The following PRDM4 variants were observed in gnomAD, a reference collection of about 807,000 sequenced individuals.
PRDM4 encodes the protein PR domain zinc finger protein 4.
PRDM4 carries 38 observed loss-of-function variants against 62.3 expected under a neutral mutation model. The observed-to-expected ratio is 0.61, with a 90% CI of 0.47 to 0.80. The LOEUF (loss-of-function observed/expected upper bound fraction) is 0.80, where lower values mean the gene tolerates loss of function less well. Ranked by LOEUF, PRDM4 falls within the 30% of genes least tolerant of loss-of-function variation. PRDM4 has a pLI of 0.00. For synonymous variants in PRDM4, 339 were observed against 348.2 expected (o/e 0.97, Z 0.30); for missense variants, 858 against 997.1 (o/e 0.86, Z 1.88).
intron 11 of PRDM4, among the ~76,000 whole-genome samples, 191 bp from the exon 12 acceptor site, chr12:107,734,713 T>C (rs1487917809): frequency 6.6e-6 from 1 of 152,214 alleles, no homozygotes; most frequent in Non-Finnish European, 1.5e-5. Context: ...TTTTTCCTGT[T>C]TTAGAATACT....
intron 4 of PRDM4, 51 bp from the exon 5 acceptor site, chr12:107,752,260 G>C (rs1890919999): frequency 7.3e-7 from 1 of 1,366,028 alleles, no homozygotes; most frequent in African/African-American, 1.4e-5. Context: ...CATTATTAAA[G>C]AATTCCAAGC....
chr12:107,747,307 T>C (rs1241987645), intron 5 of PRDM4, among the ~76,000 whole-genome samples: 3 of 151,372 alleles, frequency 2.0e-5, no homozygotes, highest in Non-Finnish European at 4.4e-5. Flanking sequence ...AGCCAAAATA[T>C]GGCCACGGTG....
At chr12:107,739,918 T>C (rs1176845541) in intron 10 of PRDM4, among the ~76,000 whole-genome samples, 2 of 149,710 alleles carry the variant, frequency 1.3e-5, no homozygotes, top group Non-Finnish European at 3.0e-5. Flanking sequence ...TAGGGAAACA[T>C]ACTTTTACAA....
intron 5 of PRDM4, among the ~76,000 whole-genome samples, chr12:107,749,288 C>A (rs1890818363): frequency 6.6e-6 from 1 of 152,058 alleles, no homozygotes; most frequent in South Asian, 2.1e-4. Flanking sequence ...ACACTGAAAT[C>A]AACATGTCTA....
At chr12:107,747,369 C>T (rs1016500889) in intron 5 of PRDM4, among the ~76,000 whole-genome samples, 4 of 151,600 alleles carry the variant, frequency 2.6e-5, no homozygotes, top group Admixed American at 6.6e-5. Context: ...AGGACACTGG[C>T]GTCAGAGCCA....
intron 5 of PRDM4, among the ~76,000 whole-genome samples, chr12:107,748,375 T>C (rs1890784048): frequency 6.6e-6 from 1 of 152,118 alleles, no homozygotes; most frequent in East Asian, 1.9e-4. Flanking sequence ...CAAAAACTTG[T>C]ACATGAGAGT....
intron 11 of PRDM4, among the ~76,000 whole-genome samples, chr12:107,737,330 CG>C (rs1402898514): frequency 1.3e-5 from 2 of 152,080 alleles, no homozygotes; most frequent in African/African-American, 4.8e-5. Flanking sequence ...ATTTTACCAA[CG>C]ATCTCCATAG....
At position 107,734,521 on chromosome 12, in the gene PRDM4, C is replaced by G. The variant is rs768921616; in HGVS notation, c.2095G>C (p.Glu699Gln). The change falls in exon 12 of 12, where the codon GAA becomes CAA. Residue 699 changes from glutamate to glutamine, a missense_variant and splice_region_variant. Around this residue, in one of 3 missense-constraint regions of PRDM4, gnomAD observed 355 missense variants for 432.6 expected, o/e 0.82. Transcript: ENST00000228437. Reference sequence around the variant, plus strand: ...CACTTGGGACACTTGATCTGGCGTTCTCTAAGAGGAACACAAGAAAAAACA... The same window carrying G: ...CACTTGGGACACTTGATCTGGCGTTGTCTAAGAGGAACACAAGAAAAAACA... ...LKQHVLIHTQ[E>Q]RQIKCPKCDK... 1.2e-6 allele frequency: 2 copies of G among 1,606,566 alleles called. No homozygotes were observed. The highest frequency in any genetic ancestry group is 2.2e-5 in the South Asian group (2 of 90,118).
At position 107,752,181 on chromosome 12, in the gene PRDM4, T is replaced by C. The variant is rs1365435661; in HGVS notation, c.360A>G (p.Pro120=). Residue 120 remains proline (P), a synonymous_variant, in exon 5 of 12, where the codon CCA becomes CCG. Transcript: ENST00000228437. ...PGILSYLADR[P]PPQYIHPNSI... ...AGTTAGGGTGGATGTACTGTGGAGG[T>C]GGTCTGTCAGCTAAATAAGATAAAA... 1 of 1,590,300 alleles carries C rather than the reference T, an allele frequency of 6.3e-7. No individual in the cohort carries two copies. Among genetic ancestry groups the C allele is most frequent in the Non-Finnish European group, 8.6e-7 (1 of 1,158,532 alleles).
At chr12:107,742,477 T>C (rs1890549075) in intron 8 of PRDM4, 129 bp from the exon 9 acceptor site, 2 of 1,135,376 alleles carry the variant, frequency 1.8e-6, no homozygotes, top group Non-Finnish European at 2.5e-6. Flanking sequence ...TGGAATGTTT[T>C]TGTAATTTCC....
At chr12:107,748,216 T>C (rs867539079) in intron 5 of PRDM4, among the ~76,000 whole-genome samples, 2 of 152,000 alleles carry the variant, frequency 1.3e-5, no homozygotes, top group Non-Finnish European at 1.5e-5. Flanking sequence ...AAATAAAAAA[T>C]TAACTGTTGG....
chr12:107,757,348 C>A (rs143676873), intron 2 of PRDM4, among the ~76,000 whole-genome samples: 158 of 152,230 alleles, frequency 1.0e-3, no homozygotes, highest in African/African-American at 3.7e-3. Flanking sequence ...CTTATTATTT[C>A]AAACCAGTAG....
chr12:107,743,458 C>T (rs939801654), intron 7 of PRDM4, among the ~76,000 whole-genome samples, 176 bp from the exon 8 acceptor site: 5 of 152,194 alleles, frequency 3.3e-5, no homozygotes, highest in South Asian at 2.1e-4. Context: ...CTCCCTATTT[C>T]CAGCAATACA....
chr12:107,756,848 A>G lies in PRDM4; in HGVS notation c.129T>C (p.Ser43=). The change falls in exon 3 of 12, where the codon AGT becomes AGC. Residue 43 remains serine, a synonymous_variant. Coordinates refer to ENST00000228437, the MANE Select transcript of PRDM4 (RefSeq NM_012406.4). The part of the protein sequence containing the change: ...HLGLAASPTH[S]AIPAPGLPVA... ...ACCACTCACCTGGGGCAGGGATGGCACTGTGAGTGGGTGAGGCAGCCAATC... is the reference window on the plus strand; with the variant it reads ...ACCACTCACCTGGGGCAGGGATGGCGCTGTGAGTGGGTGAGGCAGCCAATC... The G allele has an allele frequency of 1.9e-6, 3 of 1,614,140 alleles. No homozygotes were observed. Among genetic ancestry groups the G allele is most frequent in the Non-Finnish European group, 2.5e-6 (3 of 1,180,010 alleles).
At chr12:107,746,488 G>GT in intron 5 of PRDM4, 64 bp from the exon 6 acceptor site, 6 of 1,351,668 alleles carry the variant, frequency 4.4e-6, no homozygotes, top group East Asian at 2.6e-5. Flanking sequence ...TTACCACCAC[G>GT]GTTTTTTTTT....
chr12:107,750,530 A>G (rs999954383), intron 5 of PRDM4, among the ~76,000 whole-genome samples: 1 of 152,126 alleles, frequency 6.6e-6, no homozygotes, highest in African/African-American at 2.4e-5. Context: ...GGCGACAGAG[A>G]AACCCTATCA....
intron 5 of PRDM4, among the ~76,000 whole-genome samples, chr12:107,750,141 T>C (rs1189916169): frequency 1.3e-5 from 2 of 152,208 alleles, no homozygotes; most frequent in Non-Finnish European, 2.9e-5. Context: ...TCCTATATTG[T>C]AACAGTCTCC....
chr12:107,760,842 A>C, intron 1 of PRDM4, 71 bp from the exon 2 acceptor site: 2 of 221,316 alleles, frequency 9.0e-6, no homozygotes, highest in East Asian at 1.1e-4. Flanking sequence ...AGCTACCCGA[A>C]AGCCCCAGGC....
intron 1 of PRDM4, 65 bp downstream of exon 1, chr12:107,760,892 C>CCCGCGGCCCGCAGGCCGGGCCG (rs888656760): frequency 1.4e-5 from 2 of 145,386 alleles, no homozygotes; most frequent in Non-Finnish European, 3.0e-5. Flanking sequence ...GATTAGCCCG[C>CCCGCGGCCCGCAGGCCGGGCCG]CCGCGGCCCG....
Sources: allele counts gnomAD v4.1 joint callset (sites outside exome capture counted in the v4.1 genomes callset), GRCh38; gene constraint gnomAD v4.1.1; regional missense constraint gnomAD v4.1.1; transcripts MANE v1.5; gene names NCBI Gene and HGNC (gene_info 2026-07-23, HGNC 2026-07-21).